Variants in GPC5 observed in about 807,000 individuals in gnomAD.
GPC5 encodes glypican-5.
GPC5 carries 47 observed loss-of-function variants against 53.9 expected under a neutral mutation model. The ratio of observed to expected loss-of-function variants is 0.87; its 90% CI spans 0.69 to 1.11. The LOEUF (loss-of-function observed/expected upper bound fraction) is 1.11, where lower values mean the gene tolerates loss of function less well. GPC5 is among the 50% of genes most tolerant of loss of function. The pLI is 0.00. For synonymous variants in GPC5, 286 were observed against 263.3 expected (o/e 1.09, Z -0.84); for missense variants, 748 against 713.1 (o/e 1.05, Z -0.56).
intron 2 of GPC5, among the ~76,000 whole-genome samples, chr13:91,452,181 G>T (rs77462883): frequency 0.077 from 11,675 of 151,632 alleles, 1,443 homozygotes; most frequent in African/African-American, 0.27. Context: ...ATAGGGTTTT[G>T]CCCTGTTGCC....
At chr13:92,311,337 G>A (rs1006550431) in intron 7 of GPC5, among the ~76,000 whole-genome samples, 2 of 152,144 alleles carry the variant, frequency 1.3e-5, no homozygotes, top group Admixed American at 6.5e-5. Flanking sequence ...CATTTCAGAA[G>A]GTGAATTGGG....
chr13:91,652,049 C>T (rs1375777051), intron 2 of GPC5, among the ~76,000 whole-genome samples: 1 of 152,160 alleles, frequency 6.6e-6, no homozygotes, highest in Non-Finnish European at 1.5e-5. Context: ...TGCAATTCAG[C>T]AGAGAAACAC....
intron 5 of GPC5, among the ~76,000 whole-genome samples, chr13:91,899,856 T>C (rs2039480026): frequency 6.6e-6 from 1 of 152,142 alleles, no homozygotes; most frequent in Non-Finnish European, 1.5e-5. Flanking sequence ...TGCCAACATC[T>C]TGATTTCAGA....
At chr13:92,820,335 T>G (rs928002576) in intron 7 of GPC5, among the ~76,000 whole-genome samples, 1 of 152,216 alleles carries the variant, frequency 6.6e-6, no homozygotes, top group African/African-American at 2.4e-5. Flanking sequence ...CGATAAAATT[T>G]ATCTTCAGAA....
At chr13:91,514,274 A>G (rs911973475) in intron 2 of GPC5, among the ~76,000 whole-genome samples, 12 of 152,162 alleles carry the variant, frequency 7.9e-5, no homozygotes, top group African/African-American at 2.4e-4. Flanking sequence ...GCAATGTGTA[A>G]AAGATTCAGT....
chr13:91,408,487 C>A (rs953306806), intron 1 of GPC5, among the ~76,000 whole-genome samples: 1 of 151,986 alleles, frequency 6.6e-6, no homozygotes, highest in Non-Finnish European at 1.5e-5. Context: ...GTCTTTAAGA[C>A]CTCTTTTCAA....
intron 5 of GPC5, among the ~76,000 whole-genome samples, chr13:91,864,532 C>G (rs1029229605): frequency 6.6e-6 from 1 of 151,940 alleles, no homozygotes; most frequent in African/African-American, 2.4e-5. Context: ...CAACTTTTGC[C>G]ATATTATTTA....
chr13:92,063,285 C>T (rs975318267), intron 6 of GPC5, among the ~76,000 whole-genome samples: 4 of 152,078 alleles, frequency 2.6e-5, no homozygotes, highest in African/African-American at 9.7e-5. Context: ...GCTGGGTTTA[C>T]ATCATTATTA....
At chr13:92,788,009 C>T (rs1232248832) in intron 7 of GPC5, among the ~76,000 whole-genome samples, 2 of 151,656 alleles carry the variant, frequency 1.3e-5, no homozygotes, top group Non-Finnish European at 2.9e-5. Context: ...TTCCAAATGT[C>T]GAGAATGACA....
intron 7 of GPC5, among the ~76,000 whole-genome samples, chr13:92,596,152 G>A (rs925323856): frequency 1.3e-5 from 2 of 151,626 alleles, no homozygotes; most frequent in Admixed American, 6.6e-5. Context: ...AATTTAAGTG[G>A]CAAACAAGGC....
At chr13:91,727,432 C>T (rs116210284) in intron 3 of GPC5, among the ~76,000 whole-genome samples, 178 of 152,260 alleles carry the variant, frequency 1.2e-3, no homozygotes, top group African/African-American at 4.2e-3. Flanking sequence ...GGAAGGATTC[C>T]TTTATTTCTT....
chr13:91,498,609 C>G (rs1167511948), intron 2 of GPC5, among the ~76,000 whole-genome samples: 1 of 151,992 alleles, frequency 6.6e-6, no homozygotes, highest in Non-Finnish European at 1.5e-5. Context: ...TTAAATATGG[C>G]AGTAAAATAT....
At chr13:91,496,289 A>T (rs1417010190) in intron 2 of GPC5, among the ~76,000 whole-genome samples, 2 of 152,194 alleles carry the variant, frequency 1.3e-5, no homozygotes, top group Non-Finnish European at 2.9e-5. Flanking sequence ...ATATTCACAA[A>T]AGAAGATAAA....
chr13:91,802,639 T>C (rs1351242948), intron 5 of GPC5, among the ~76,000 whole-genome samples: 1 of 152,066 alleles, frequency 6.6e-6, no homozygotes. Context: ...AGGCACAGAG[T>C]GCTGATTGGT....
chr13:91,545,646 G>A (rs1594234704), intron 2 of GPC5, among the ~76,000 whole-genome samples: 1 of 151,998 alleles, frequency 6.6e-6, no homozygotes, highest in African/African-American at 2.4e-5. Flanking sequence ...GATCTCTCAA[G>A]CTTCTTAATC....
At chr13:92,057,650 T>C (rs1594746983) in intron 6 of GPC5, among the ~76,000 whole-genome samples, 2 of 152,304 alleles carry the variant, frequency 1.3e-5, no homozygotes, top group East Asian at 3.9e-4. Context: ...TATTTCTGTA[T>C]CTAGACATGT....
chr13:92,180,963 A>C (rs1174958320), intron 7 of GPC5: 1 of 153,186 alleles, frequency 6.5e-6, no homozygotes, highest in Non-Finnish European at 1.5e-5. Flanking sequence ...ATACACCTTC[A>C]GCTACTAAAA....
intron 7 of GPC5, among the ~76,000 whole-genome samples, chr13:92,152,303 A>T (rs1281798607): frequency 1.3e-5 from 2 of 152,194 alleles, no homozygotes; most frequent in Admixed American, 1.3e-4. Flanking sequence ...TTGAACAAGT[A>T]ACTTCTCTCC....
At chr13:91,864,957 T>C (rs1033809991) in intron 5 of GPC5, among the ~76,000 whole-genome samples, 6 of 151,138 alleles carry the variant, frequency 4.0e-5, no homozygotes, top group African/African-American at 1.2e-4. Context: ...CAGGCTGGAG[T>C]GCAGTGGTGA....
Sources: gnomAD v4.1 joint callset for allele counts (sites outside exome capture counted in the v4.1 genomes callset) on GRCh38, gnomAD v4.1.1 for gene constraint, MANE v1.5 for transcripts, NCBI Gene and HGNC (gene_info 2026-07-23, HGNC 2026-07-21) for gene names.